KCNH1: variants seen among roughly 807,000 people sequenced by gnomAD.
KCNH1 encodes the protein potassium voltage-gated channel subfamily H member 1, also known as voltage-gated delayed rectifier potassium channel KCNH1.
Under a neutral mutation model 69.2 loss-of-function variants are expected in KCNH1, and 27 were observed. That is an observed-to-expected ratio of 0.39 (90% CI 0.29 to 0.54). The LOEUF is 0.54. Ranked by LOEUF, KCNH1 falls within the 20% of genes least tolerant of loss-of-function variation. The pLI is 0.68. For missense variants in KCNH1, 798 were observed against 1,261.6 expected, an observed-to-expected ratio of 0.63 and a Z score of 5.57; for synonymous variants, 456 against 487.7, an observed-to-expected ratio of 0.93 and a Z score of 0.86.
intron 10 of KCNH1, among the ~76,000 whole-genome samples, chr1:210,751,125 G>A (rs1191896044): frequency 6.6e-6 from 1 of 152,202 alleles, no homozygotes; most frequent in East Asian, 1.9e-4. Flanking sequence ...GGAGAGTTAT[G>A]TCTGGGGTTC....
At chr1:210,885,953 G>A (rs1686594972) in intron 7 of KCNH1, among the ~76,000 whole-genome samples, 1 of 152,152 alleles carries the variant, frequency 6.6e-6, no homozygotes, top group Non-Finnish European at 1.5e-5. Flanking sequence ...GGGAAATGGT[G>A]GCTGTGGGCA....
In KCNH1 at chr1:211,018,979, T is replaced by TC; in HGVS notation, c.835dup (p.Glu279GlyfsTer5). The TC allele has an allele frequency of 6.2e-7, 1 of 1,613,946 alleles. No homozygotes were observed. The highest frequency in any genetic ancestry group is 8.5e-7 in the Non-Finnish European group (1 of 1,179,952). Reference sequence around the variant, plus strand: ...GATAAGTTTGGGGTCAGAAATCACCTCCCCTGCTGGTCCAACAAAGGTGGT... The same window carrying TC: ...GATAAGTTTGGGGTCAGAAATCACCTCCCCCTGCTGGTCCAACAAAGGTGGT... On this transcript the variant is annotated frameshift_variant, in exon 6 of 11. Coordinates refer to ENST00000271751, the MANE Select transcript of KCNH1 (RefSeq NM_172362.3). LOFTEE classifies it high-confidence loss of function.
chr1:210,746,933 G>A (rs1683175177), intron 10 of KCNH1, among the ~76,000 whole-genome samples: 1 of 152,128 alleles, frequency 6.6e-6, no homozygotes, highest in African/African-American at 2.4e-5. Context: ...AGAGGAAGGG[G>A]GAAATTGTTG....
intron 10 of KCNH1, among the ~76,000 whole-genome samples, chr1:210,690,758 G>T (rs375962104): frequency 3.3e-5 from 5 of 152,244 alleles, no homozygotes; most frequent in African/African-American, 9.6e-5. Context: ...CTCGAGGAGG[G>T]GAGGGGGCCC....
intron 10 of KCNH1, among the ~76,000 whole-genome samples, chr1:210,716,730 T>C (rs1184872099): frequency 6.6e-6 from 1 of 152,204 alleles, no homozygotes; most frequent in Non-Finnish European, 1.5e-5. Flanking sequence ...TTACATGCCC[T>C]GTCTCTCCAA....
chr1:211,093,840 T>C (rs12760898), intron 3 of KCNH1, among the ~76,000 whole-genome samples: 31,584 of 152,084 alleles, frequency 0.21, 3,457 homozygotes, highest in Non-Finnish European at 0.23. Flanking sequence ...GCTGGATATG[T>C]GTAGCTTGGC....
chr1:210,812,249 C>T (rs1684718722), intron 7 of KCNH1, among the ~76,000 whole-genome samples: 1 of 152,162 alleles, frequency 6.6e-6, no homozygotes, highest in Non-Finnish European at 1.5e-5. Context: ...GAAAAAGTGA[C>T]TTACCTATTA....
At chr1:210,917,255 GAA>G in intron 7 of KCNH1, among the ~76,000 whole-genome samples, 1 of 144,066 alleles carries the variant, frequency 6.9e-6, no homozygotes, top group South Asian at 2.2e-4. Flanking sequence ...AAGAAAGAAA[GAA>G]AGAAAGAAAG....
chr1:211,092,189 C>T (rs1007462951), intron 3 of KCNH1, among the ~76,000 whole-genome samples: 1 of 152,186 alleles, frequency 6.6e-6, no homozygotes, highest in Admixed American at 6.5e-5. Context: ...CTCACTGAAT[C>T]TTGGAGACGA....
chr1:211,074,445 C>G lies in KCNH1; in HGVS notation c.558+8335G>C, dbSNP rs115551035. ...TGAACATCACCAATGACTTTGCATC[C>G]TCTTTTGGGGAAAAGGCTGGCATAT... On this transcript the variant is annotated intron_variant, in intron 5 of 10. Coordinates refer to ENST00000271751, the MANE Select transcript of KCNH1 (RefSeq NM_172362.3). Among the ~76,000 whole-genome samples, 809 of 152,210 alleles carry G rather than the reference C, an allele frequency of 5.3e-3. 7 individuals are homozygous for G. The highest frequency in any genetic ancestry group is 9.0e-3 in the Non-Finnish European group (613 of 68,008).
intron 5 of KCNH1, among the ~76,000 whole-genome samples, chr1:211,062,484 A>G (rs1377848854): frequency 6.6e-6 from 1 of 152,178 alleles, no homozygotes; most frequent in Non-Finnish European, 1.5e-5. Context: ...CAAGTTAAAA[A>G]TCTTCTGCAT....
At chr1:211,122,168 A>T (rs1365927770) in intron 1 of KCNH1, among the ~76,000 whole-genome samples, 4 of 152,144 alleles carry the variant, frequency 2.6e-5, no homozygotes, top group Non-Finnish European at 5.9e-5. Context: ...TGGACAAAGG[A>T]TATGAACAGA....
At position 210,830,687 on chromosome 1, in the gene KCNH1, G is replaced by T. The variant is rs111394799; in HGVS notation, c.1463-26521C>A. Among the ~76,000 whole-genome samples the T allele has an allele frequency of 2.3e-3, 352 of 152,070 alleles. 5 individuals carry two copies. Among genetic ancestry groups the T allele is most frequent in the African/African-American group, 8.0e-3 (332 of 41,474 alleles). On this transcript the variant is annotated intron_variant, in intron 7 of 10. Coordinates refer to ENST00000271751, the MANE Select transcript of KCNH1 (RefSeq NM_172362.3). ...TATGGAGGGTATGAAAAATGATGAG[G>T]TCAATCCAACAAAACTGAGTCATTC...
intron 6 of KCNH1, among the ~76,000 whole-genome samples, chr1:210,923,430 A>G (rs1007978253): frequency 6.6e-6 from 1 of 152,112 alleles, no homozygotes; most frequent in African/African-American, 2.4e-5. Flanking sequence ...CCTCCCTCTT[A>G]CTTTGTCCTT....
chr1:211,030,402 G>C (rs1289791875), intron 5 of KCNH1, among the ~76,000 whole-genome samples: 1 of 152,074 alleles, frequency 6.6e-6, no homozygotes, highest in Non-Finnish European at 1.5e-5. Context: ...TGTGGTATTG[G>C]AAAAAGAATA....
intron 7 of KCNH1, among the ~76,000 whole-genome samples, chr1:210,820,030 ATC>A (rs1240299181): frequency 2.6e-5 from 4 of 152,230 alleles, no homozygotes; most frequent in African/African-American, 9.6e-5. Flanking sequence ...AATAGCCAAT[ATC>A]TGACTGCAAC....
In KCNH1 at chr1:210,725,262, TG is replaced by T. The variant is rs148824664; in HGVS notation, c.2113-41125del. On this transcript the variant is annotated intron_variant, in intron 10 of 10. Transcript: ENST00000271751. Reference sequence around the variant, plus strand: ...TCAGAATTACCTATGAAAGTATTTCTGAACCCCTAGATGTGACACATTAGGC... The same window carrying T: ...TCAGAATTACCTATGAAAGTATTTCTAACCCCTAGATGTGACACATTAGGC... Among the ~76,000 whole-genome samples, 1,112 of 152,356 alleles carry T rather than the reference TG, an allele frequency of 7.3e-3. 9 individuals are homozygous for T. Among genetic ancestry groups the T allele is most frequent in the African/African-American group, 0.025 (1,033 of 41,586 alleles).
intron 6 of KCNH1, among the ~76,000 whole-genome samples, chr1:210,972,468 C>G (rs1293068806): frequency 6.6e-6 from 1 of 151,966 alleles, no homozygotes; most frequent in East Asian, 1.9e-4. Context: ...CCTAAAGTTC[C>G]TTTTTTAAAA....
intron 10 of KCNH1, among the ~76,000 whole-genome samples, chr1:210,720,582 A>T (rs1264918358): frequency 1.3e-5 from 2 of 152,200 alleles, no homozygotes. Context: ...TTAATTATAT[A>T]TAATGGGTTA....
Sources: gnomAD v4.1 joint callset for allele counts (sites outside exome capture counted in the v4.1 genomes callset) on GRCh38, gnomAD v4.1.1 for gene constraint, MANE v1.5 for transcripts, NCBI Gene and HGNC (gene_info 2026-07-23, HGNC 2026-07-21) for gene names.